The following PPFIBP1 variants were observed in gnomAD, a reference collection of about 807,000 sequenced individuals.
PPFIBP1 encodes PPFIB scaffold protein 1.
PPFIBP1 carries 112 observed loss-of-function variants against 137.8 expected under a neutral mutation model. That is an observed-to-expected ratio of 0.81 (90% CI 0.70 to 0.95). The LOEUF (loss-of-function observed/expected upper bound fraction) is 0.95, where lower values mean the gene tolerates loss of function less well. PPFIBP1 is among the 40% of genes least tolerant of loss of function. The probability of loss-of-function intolerance (pLI) is 0.00; values close to 1 mark genes in which losing one functional copy is unlikely to be tolerated. For synonymous variants in PPFIBP1, 378 were observed against 417.3 expected (o/e 0.91, Z 1.15); for missense variants, 1,083 against 1,196.6 (o/e 0.91, Z 1.40).
intron 4 of PPFIBP1, among the ~76,000 whole-genome samples, chr12:27,640,087 G>A (rs1255595576): frequency 6.6e-6 from 1 of 152,118 alleles, no homozygotes; most frequent in African/African-American, 2.4e-5. Flanking sequence ...TAAAATTAAG[G>A]CAGTTTTCCC....
intron 4 of PPFIBP1, among the ~76,000 whole-genome samples, chr12:27,638,738 T>A (rs2057879046): frequency 6.6e-6 from 1 of 152,320 alleles, no homozygotes; most frequent in African/African-American, 2.4e-5. Flanking sequence ...CCATACATAG[T>A]TCACTTCTTG....
chr12:27,626,802 G>A (rs1268723832), intron 2 of PPFIBP1, among the ~76,000 whole-genome samples: 1 of 152,174 alleles, frequency 6.6e-6, no homozygotes, highest in Non-Finnish European at 1.5e-5. Flanking sequence ...CTGACCTCAA[G>A]TGGTCTGCCC....
At chr12:27,679,745 A>G in intron 20 of PPFIBP1, 106 bp downstream of exon 20, 2 of 1,433,032 alleles carry the variant, frequency 1.4e-6, no homozygotes, top group Non-Finnish European at 9.5e-7. Flanking sequence ...CCTCTTATGG[A>G]AGGAAGTTTG....
intron 1 of PPFIBP1, among the ~76,000 whole-genome samples, chr12:27,544,564 A>G (rs1946024093): frequency 6.6e-6 from 1 of 152,220 alleles, no homozygotes; most frequent in Non-Finnish European, 1.5e-5. Flanking sequence ...AAACAACCCC[A>G]TCAAAAAGTG....
chr12:27,586,552 G>A (rs2113872), intron 2 of PPFIBP1, among the ~76,000 whole-genome samples: 17,206 of 152,096 alleles, frequency 0.11, 1,464 homozygotes, highest in East Asian at 0.41. Context: ...ATTAGAGTTA[G>A]CCTGTGTGGT....
chr12:27,646,376 C>T, intron 5 of PPFIBP1: 1 of 553,814 alleles, frequency 1.8e-6, no homozygotes, highest in Non-Finnish European at 3.4e-6. Flanking sequence ...CAGGACCAGT[C>T]TGAATACGGG....
chr12:27,578,310 G>A (rs1192114875), intron 2 of PPFIBP1, 71 bp downstream of exon 2: 1 of 152,172 alleles, frequency 6.6e-6, no homozygotes, highest in Admixed American at 6.5e-5. Flanking sequence ...CTCAGTGTGT[G>A]TGAATTTTTT....
intron 2 of PPFIBP1, among the ~76,000 whole-genome samples, chr12:27,623,832 CAT>C (rs1488435025): frequency 1.3e-5 from 2 of 152,162 alleles, no homozygotes; most frequent in African/African-American, 4.8e-5. Flanking sequence ...ATACTTAAGA[CAT>C]CAGAGTGTGT....
chr12:27,681,784 A>C, intron 22 of PPFIBP1, 88 bp downstream of exon 22: 1 of 1,441,412 alleles, frequency 6.9e-7, no homozygotes. Flanking sequence ...AGAAAGGGCC[A>C]TGAGTGAAGC....
chr12:27,690,675 CAG>C (rs944533901), intron 27 of PPFIBP1, among the ~76,000 whole-genome samples: 2 of 152,228 alleles, frequency 1.3e-5, no homozygotes, highest in African/African-American at 4.8e-5. Context: ...GCAATGCAGA[CAG>C]CCCATAACTT....
chr12:27,627,258 C>T (rs1422149169), intron 2 of PPFIBP1, among the ~76,000 whole-genome samples: 1 of 151,852 alleles, frequency 6.6e-6, no homozygotes, highest in Admixed American at 6.6e-5. Flanking sequence ...GCAATCATTG[C>T]GTAATTGATT....
chr12:27,629,432 A>T (rs1259954480), intron 2 of PPFIBP1, among the ~76,000 whole-genome samples: 1 of 152,180 alleles, frequency 6.6e-6, no homozygotes, highest in African/African-American at 2.4e-5. Flanking sequence ...TTCTGTAAGT[A>T]ATTATTGCTC....
intron 2 of PPFIBP1, among the ~76,000 whole-genome samples, chr12:27,609,432 T>C (rs552855376): frequency 1.3e-5 from 2 of 152,258 alleles, no homozygotes; most frequent in South Asian, 4.2e-4. Flanking sequence ...ACTCAGAAAG[T>C]CCCATCAGTC....
chr12:27,625,021 A>G (rs887345238), intron 2 of PPFIBP1, among the ~76,000 whole-genome samples: 19 of 152,186 alleles, frequency 1.2e-4, no homozygotes, highest in African/African-American at 4.6e-4. Flanking sequence ...CTCTACTCCC[A>G]GTACTTTTGG....
intron 13 of PPFIBP1, 25 bp from the exon 14 acceptor site, chr12:27,671,406 T>A (rs763544278): frequency 3.2e-5 from 43 of 1,328,618 alleles, no homozygotes; most frequent in Admixed American, 9.3e-5. Context: ...GATTGATTGA[T>A]TGATTTTTTG....
rs1355376156 is a variant in PPFIBP1, at chr12:27,626,277, G to A, written c.-35-7085G>A. ...TAGTGGTTGAGGTTTAAAGGGAGAG[G>A]TTTTTTGAATTAAAACCTGAATGGC... On this transcript the variant is annotated intron_variant, in intron 2 of 29. Coordinates refer to ENST00000228425, the MANE Select transcript of PPFIBP1 (RefSeq NM_003622.4). 5.3e-5 allele frequency among the ~76,000 whole-genome samples: 8 copies of A among 152,260 alleles called. No homozygotes were observed. In the East Asian group the frequency reaches 1.5e-3, roughly 29 times the overall value.
At chr12:27,607,420 C>A (rs1231267380) in intron 2 of PPFIBP1, among the ~76,000 whole-genome samples, 3 of 152,202 alleles carry the variant, frequency 2.0e-5, no homozygotes, top group Admixed American at 1.3e-4. Context: ...GAAATTTTAA[C>A]AAGAAAATTG....
intron 18 of PPFIBP1, 173 bp from the exon 19 acceptor site, chr12:27,676,891 A>T: frequency 2.4e-6 from 2 of 839,478 alleles, no homozygotes; most frequent in African/African-American, 1.7e-5. Context: ...ATAGTGGATA[A>T]ATTAACATTG....
At chr12:27,626,741 T>G (rs945564771) in intron 2 of PPFIBP1, among the ~76,000 whole-genome samples, 4 of 152,200 alleles carry the variant, frequency 2.6e-5, no homozygotes, top group African/African-American at 9.6e-5. Context: ...TAATTTTTTA[T>G]TTTTAGTAGA....
Sources: gnomAD v4.1 joint callset for allele counts (sites outside exome capture counted in the v4.1 genomes callset) on GRCh38, gnomAD v4.1.1 for gene constraint, MANE v1.5 for transcripts, NCBI Gene and HGNC (gene_info 2026-07-23, HGNC 2026-07-21) for gene names.